Variants in SSBP3 observed in about 807,000 individuals in gnomAD.
The protein encoded by SSBP3 is single-stranded DNA-binding protein 3.
A neutral mutation model predicts 69.6 loss-of-function variants in SSBP3; 5 were observed. That is an observed-to-expected ratio of 0.07 (90% CI 0.04 to 0.15). The LOEUF (loss-of-function observed/expected upper bound fraction) is 0.15. Ranked by LOEUF, SSBP3 falls within the 10% of genes least tolerant of loss-of-function variation. The pLI is 1.00. For missense variants in SSBP3, 312 were observed against 534.0 expected (o/e 0.58, Z 4.10); for synonymous variants, 196 against 193.4 (o/e 1.01, Z -0.11).
At chr1:54,394,858 A>G (rs908850268) in intron 4 of SSBP3, among the ~76,000 whole-genome samples, 1 of 151,546 alleles carries the variant, frequency 6.6e-6, no homozygotes, top group Non-Finnish European at 1.5e-5. Context: ...GCCTGCCACT[A>G]TGCCCAGCTA....
intron 5 of SSBP3, among the ~76,000 whole-genome samples, chr1:54,261,892 T>C (rs1446372330): frequency 6.6e-6 from 1 of 152,020 alleles, no homozygotes; most frequent in Non-Finnish European, 1.5e-5. Flanking sequence ...TAGGTGGCTT[T>C]GACAGATTCT....
intron 4 of SSBP3, among the ~76,000 whole-genome samples, chr1:54,330,071 C>T (rs1024263060): frequency 6.6e-6 from 1 of 152,068 alleles, no homozygotes; most frequent in African/African-American, 2.4e-5. Flanking sequence ...TTATATGGTC[C>T]CCTAATACAT....
At chr1:54,291,072 C>T (rs1476832963) in intron 4 of SSBP3, among the ~76,000 whole-genome samples, 2 of 152,208 alleles carry the variant, frequency 1.3e-5, no homozygotes, top group African/African-American at 2.4e-5. Context: ...GGCGTGGACC[C>T]GCGCACACGC....
intron 4 of SSBP3, among the ~76,000 whole-genome samples, chr1:54,306,452 A>G (rs1185291635): frequency 6.6e-6 from 1 of 152,198 alleles, no homozygotes; most frequent in Non-Finnish European, 1.5e-5. Context: ...CAACAGAAGT[A>G]AAAAGCCCGG....
intron 4 of SSBP3, chr1:54,336,009 C>T (rs549398489): frequency 6.6e-5 from 10 of 152,380 alleles, no homozygotes; most frequent in Non-Finnish European, 1.0e-4. Flanking sequence ...CCAGCTTTAC[C>T]GCTTCCTGTG....
At chr1:54,356,795 C>G (rs1569920130) in intron 4 of SSBP3, 1 of 152,300 alleles carries the variant, frequency 6.6e-6, no homozygotes, top group Non-Finnish European at 1.5e-5. Flanking sequence ...GGTGTCCACT[C>G]GCCTTCTCTC....
chr1:54,400,627 A>G (rs1649227686), intron 4 of SSBP3, among the ~76,000 whole-genome samples: 1 of 152,214 alleles, frequency 6.6e-6, no homozygotes, highest in African/African-American at 2.4e-5. Context: ...GAACTGCTCA[A>G]TTTCCTCAGC....
intron 4 of SSBP3, among the ~76,000 whole-genome samples, chr1:54,397,541 A>G (rs1451924383): frequency 1.3e-5 from 2 of 151,944 alleles, no homozygotes; most frequent in African/African-American, 2.4e-5. Context: ...GGGGTGGGAG[A>G]GCAGAGTCTT....
chr1:54,298,374 C>T (rs921889448), intron 4 of SSBP3, among the ~76,000 whole-genome samples: 2 of 152,132 alleles, frequency 1.3e-5, no homozygotes, highest in Admixed American at 1.3e-4. Context: ...GGAAGTTCAG[C>T]GAAGCAGTCC....
intron 4 of SSBP3, among the ~76,000 whole-genome samples, chr1:54,363,762 T>C (rs1352763719): frequency 6.6e-6 from 1 of 152,178 alleles, no homozygotes; most frequent in East Asian, 1.9e-4. Context: ...GCAGAAGAAA[T>C]GTATAGGGAA....
At chr1:54,375,976 T>A (rs1647219106) in intron 4 of SSBP3, among the ~76,000 whole-genome samples, 2 of 151,478 alleles carry the variant, frequency 1.3e-5, no homozygotes, top group South Asian at 2.1e-4. Context: ...AGGAGAGGGA[T>A]AAGTAGGAGA....
At chr1:54,358,626 G>A (rs1369219416) in intron 4 of SSBP3, among the ~76,000 whole-genome samples, 1 of 152,174 alleles carries the variant, frequency 6.6e-6, no homozygotes, top group Non-Finnish European at 1.5e-5. Flanking sequence ...AGGATGCCCA[G>A]TCTGACCTCT....
intron 4 of SSBP3, among the ~76,000 whole-genome samples, chr1:54,318,112 G>A (rs906719047): frequency 6.6e-6 from 1 of 152,108 alleles, no homozygotes; most frequent in Non-Finnish European, 1.5e-5. Flanking sequence ...CCAGGCTTGG[G>A]GTGGGAGCGA....
At chr1:54,364,814 GA>G (rs1413937922) in intron 4 of SSBP3, among the ~76,000 whole-genome samples, 2 of 152,108 alleles carry the variant, frequency 1.3e-5, no homozygotes, top group Non-Finnish European at 2.9e-5. Flanking sequence ...TGGCAGTATC[GA>G]ACCCAAACAG....
intron 13 of SSBP3, among the ~76,000 whole-genome samples, chr1:54,240,046 GGGTGTGTGTGTGT>G (rs1644580385): frequency 2.7e-5 from 1 of 36,874 alleles, no homozygotes. Flanking sequence ...AATTGTGATG[GGGTGTGTGTGTGT>G]GTGTGTGTGT....
chr1:54,263,193 G>A (rs1645044955), intron 5 of SSBP3, among the ~76,000 whole-genome samples: 3 of 152,152 alleles, frequency 2.0e-5, no homozygotes, highest in Admixed American at 1.3e-4. Flanking sequence ...CACTGACAGC[G>A]TGGGGAGCAG....
At position 54,404,839 on chromosome 1, in the gene SSBP3, T is replaced by C; in HGVS notation, c.129+19A>G. The C allele has an allele frequency of 2.8e-6, 4 of 1,417,862 alleles. No individual in the cohort carries two copies. In the South Asian group the frequency reaches 4.6e-5, roughly 16 times the overall value. 87.8% of individuals were successfully genotyped at this position (1,417,862 alleles called of 1,614,324 possible). A position where few individuals can be genotyped will look rare whatever the true frequency, so the allele number is the denominator to read the frequency against. On this transcript the variant is annotated intron_variant, in intron 2 of 17. Transcript: ENST00000610401. Reference sequence around the variant, plus strand: ...GGGGGGGTGTCAAGAAATTGGATGCTGGGGGGAGTCCCACTCACCTCCGAT... The same window carrying C: ...GGGGGGGTGTCAAGAAATTGGATGCCGGGGGGAGTCCCACTCACCTCCGAT...
intron 5 of SSBP3, among the ~76,000 whole-genome samples, chr1:54,274,589 A>G (rs1428712303): frequency 6.6e-6 from 1 of 152,054 alleles, no homozygotes; most frequent in African/African-American, 2.4e-5. Flanking sequence ...TTAGGCTCCA[A>G]CATCCACTAG....
chr1:54,380,472 C>T (rs950743024), intron 4 of SSBP3, among the ~76,000 whole-genome samples: 3 of 152,176 alleles, frequency 2.0e-5, no homozygotes, highest in Non-Finnish European at 4.4e-5. Flanking sequence ...AACGCCGTGC[C>T]GACACATGCT....
Sources: gnomAD v4.1 joint callset for allele counts (sites outside exome capture counted in the v4.1 genomes callset) on GRCh38, gnomAD v4.1.1 for gene constraint, MANE v1.5 for transcripts, NCBI Gene and HGNC (gene_info 2026-07-23, HGNC 2026-07-21) for gene names.